Variants in SHROOM4 observed in about 807,000 individuals in gnomAD.
The protein encoded by SHROOM4 is shroom family member 4.
Under a neutral mutation model 80.3 loss-of-function variants are expected in SHROOM4, and 17 were observed. The observed-to-expected ratio is 0.21, with a 90% CI of 0.14 to 0.32. The LOEUF (loss-of-function observed/expected upper bound fraction) is 0.32, where lower values mean the gene tolerates loss of function less well. Among genes scored for constraint, SHROOM4 ranks in the 10% least tolerant of loss-of-function variants. The pLI, the probability that SHROOM4 is intolerant of heterozygous loss-of-function variation, is 1.00. For missense variants in SHROOM4, 993 were observed against 1,140.3 expected (o/e 0.87, Z 1.86); for synonymous variants, 400 against 437.5 (o/e 0.91, Z 1.07).
chrX:50,706,639 A>G (rs1459252676), intron 1 of SHROOM4, among the ~76,000 whole-genome samples: 2 of 111,613 alleles, frequency 1.8e-5, no homozygotes, highest in Non-Finnish European at 3.8e-5. Flanking sequence ...TTGTGACAAA[A>G]CCTTTTGGAT....
intron 2 of SHROOM4, among the ~76,000 whole-genome samples, chrX:50,648,449 A>G (rs1931922356): frequency 8.9e-6 from 1 of 112,367 alleles, no homozygotes; most frequent in Admixed American, 9.4e-5. Flanking sequence ...TTGGAGAGGT[A>G]CTAGGCAACA....
At chrX:50,652,805 A>G (rs1932155236) in intron 2 of SHROOM4, among the ~76,000 whole-genome samples, 1 of 111,786 alleles carries the variant, frequency 8.9e-6, no homozygotes, top group Admixed American at 9.5e-5. Context: ...TTTTCCCAAT[A>G]CCATTTATTA....
intron 2 of SHROOM4, among the ~76,000 whole-genome samples, chrX:50,655,027 C>G (rs142597614): frequency 0.01 from 1,084 of 106,380 alleles, 9 homozygotes; most frequent in African/African-American, 0.036. Context: ...TAAGTGGGAG[C>G]TAAACATGTG....
At chrX:50,690,285 TTTG>T (rs782341036) in intron 2 of SHROOM4, among the ~76,000 whole-genome samples, 24 of 111,944 alleles carry the variant, frequency 2.1e-4, no homozygotes, top group Non-Finnish European at 3.4e-4. Flanking sequence ...AAAATCTTTC[TTTG>T]TTGTTGTATT....
At position 50,751,952 on chromosome X, in the gene SHROOM4, T is replaced by C. The variant is rs148853847; in HGVS notation, c.118-56015A>G. Among the ~76,000 whole-genome samples the C allele has an allele frequency of 6.8e-4, 76 of 112,140 alleles. No individual in the cohort carries two copies. In the East Asian group the frequency reaches 0.02, roughly 29 times the overall value. ...GCTATCTTGACCTACAGGATGGCCCTAAGAATATGTAACGTGCCTGGCACA... is the reference window on the plus strand; with the variant it reads ...GCTATCTTGACCTACAGGATGGCCCCAAGAATATGTAACGTGCCTGGCACA... On this transcript the variant is annotated intron_variant, in intron 1 of 8. Transcript: ENST00000376020.
chrX:50,704,446 G>A (rs149626061), intron 1 of SHROOM4, among the ~76,000 whole-genome samples: 4,840 of 111,722 alleles, frequency 0.043, 279 homozygotes, highest in African/African-American at 0.15. Context: ...CTGAATGTGA[G>A]TGAGTTGGAT....
chrX:50,704,003 G>C (rs1049157478), intron 1 of SHROOM4, among the ~76,000 whole-genome samples: 2 of 111,643 alleles, frequency 1.8e-5, no homozygotes, highest in Admixed American at 1.9e-4. Context: ...GAATATGGTA[G>C]AGTGCAAGTG....
chrX:50,639,300 T>G (rs1931494451), intron 2 of SHROOM4, among the ~76,000 whole-genome samples: 4 of 103,855 alleles, frequency 3.9e-5, no homozygotes, highest in Admixed American at 1.0e-4. Flanking sequence ...GGAGGGAGAG[T>G]AGAGAGAGAA....
At chrX:50,631,067 A>G (rs868987605) in intron 4 of SHROOM4, among the ~76,000 whole-genome samples, 1 of 21,451 alleles carries the variant, frequency 4.7e-5, no homozygotes, top group African/African-American at 1.6e-4. Flanking sequence ...CAAACAAACA[A>G]AAAAAACAAA....
chrX:50,654,337 TTC>T (rs1368747283), intron 2 of SHROOM4, among the ~76,000 whole-genome samples: 1 of 111,701 alleles, frequency 9.0e-6, no homozygotes, highest in Non-Finnish European at 1.9e-5. Context: ...CTTGGGAAAT[TTC>T]TCTTTCTGAG....
intron 1 of SHROOM4, among the ~76,000 whole-genome samples, chrX:50,771,160 G>A (rs1935386456): frequency 9.0e-6 from 1 of 111,119 alleles, no homozygotes; most frequent in African/African-American, 3.3e-5. Flanking sequence ...CCCTGTCTTA[G>A]TAAAAAGGTA....
intron 1 of SHROOM4, among the ~76,000 whole-genome samples, chrX:50,733,417 T>A (rs782043128): frequency 9.0e-6 from 1 of 111,666 alleles, no homozygotes; most frequent in African/African-American, 3.3e-5. Flanking sequence ...CCCTTATGAA[T>A]AAATTAATGC....
intron 1 of SHROOM4, among the ~76,000 whole-genome samples, chrX:50,750,931 T>TA (rs1396568013): frequency 8.9e-6 from 1 of 112,026 alleles, no homozygotes; most frequent in Non-Finnish European, 1.9e-5. Flanking sequence ...GACAAAACAT[T>TA]AACGTATCAC....
chrX:50,657,680 T>A (rs113012266), intron 2 of SHROOM4, among the ~76,000 whole-genome samples: 3,184 of 110,798 alleles, frequency 0.029, 107 homozygotes, highest in African/African-American at 0.099. Flanking sequence ...TATAGCATTA[T>A]GGTATGTTAA....
intron 1 of SHROOM4, among the ~76,000 whole-genome samples, chrX:50,758,026 CT>C (rs1557268551): frequency 1.8e-5 from 2 of 110,869 alleles, no homozygotes; most frequent in Non-Finnish European, 3.8e-5. Flanking sequence ...CAAATGTATT[CT>C]TAATTATTCC....
chrX:50,639,950 A>C (rs1244399005), intron 2 of SHROOM4, among the ~76,000 whole-genome samples: 4 of 111,794 alleles, frequency 3.6e-5, no homozygotes, highest in African/African-American at 9.8e-5. Flanking sequence ...GAGGAAAGCC[A>C]GGTGAAGCCC....
intron 2 of SHROOM4, among the ~76,000 whole-genome samples, chrX:50,651,741 A>C (rs1333126456): frequency 7.4e-5 from 8 of 107,479 alleles, no homozygotes; most frequent in East Asian, 2.9e-4. Context: ...TAGCCCCTTA[A>C]CCCCCGACAT....
chrX:50,597,366 A>C (rs1486306537), intron 8 of SHROOM4, among the ~76,000 whole-genome samples: 4 of 111,462 alleles, frequency 3.6e-5, no homozygotes. Flanking sequence ...GTGTGAGTGT[A>C]TGTGTCTGTG....
intron 1 of SHROOM4, among the ~76,000 whole-genome samples, chrX:50,771,786 T>C (rs1935398893): frequency 8.9e-6 from 1 of 112,344 alleles, no homozygotes; most frequent in African/African-American, 3.2e-5. Flanking sequence ...CGTACACAAA[T>C]GGCCACTGTT....
Sources: gnomAD v4.1 joint callset for allele counts (sites outside exome capture counted in the v4.1 genomes callset) on GRCh38, gnomAD v4.1.1 for gene constraint, MANE v1.5 for transcripts, NCBI Gene and HGNC (gene_info 2026-07-23, HGNC 2026-07-21) for gene names.